Variants in RASEF observed in about 807,000 individuals in gnomAD.
RASEF encodes the protein ras and EF-hand domain-containing protein.
In RASEF, 68 loss-of-function variants were observed where a neutral mutation model predicts 90.1. That is an observed-to-expected ratio of 0.75 (90% confidence interval 0.62 to 0.92). The LOEUF (loss-of-function observed/expected upper bound fraction) is 0.92. Ranked by LOEUF, RASEF falls within the 40% of genes least tolerant of loss-of-function variation. The pLI is 0.00. For missense variants in RASEF, 949 were observed against 937.2 expected (o/e 1.01, Z -0.16); for synonymous variants, 331 against 345.2 (o/e 0.96, Z 0.46).
chr9:83,151,114 T>C, the RASEF span, among the ~76,000 whole-genome samples: 1 of 152,182 alleles, frequency 6.6e-6, no homozygotes, highest in African/African-American at 2.4e-5. Flanking sequence ...TTTTTTTTTT[T>C]CAGGGATTAG....
At chr9:83,105,931 A>G in the RASEF span, among the ~76,000 whole-genome samples, 1 of 152,282 alleles carries the variant, frequency 6.6e-6, no homozygotes, top group East Asian at 1.9e-4. Context: ...AGCTGCTGAG[A>G]TCATCATCAT....
the RASEF span, among the ~76,000 whole-genome samples, chr9:83,078,407 C>T: frequency 6.6e-6 from 1 of 152,138 alleles, no homozygotes; most frequent in African/African-American, 2.4e-5. Flanking sequence ...TGGCTCAAGC[C>T]CATAATCCCA....
the RASEF span, among the ~76,000 whole-genome samples, chr9:83,114,854 G>A: frequency 2.6e-5 from 4 of 152,082 alleles, no homozygotes; most frequent in East Asian, 1.9e-4. Flanking sequence ...ATTTCACCAC[G>A]GTCCTGTGGT....
chr9:83,034,454 T>C (rs1260884637), intron 1 of RASEF, among the ~76,000 whole-genome samples: 5 of 152,208 alleles, frequency 3.3e-5, no homozygotes, highest in Admixed American at 3.3e-4. Context: ...TCTTGAGAAA[T>C]ATTACTTACC....
At position 83,062,763 on chromosome 9, in the gene RASEF, T is replaced by C. The variant is rs1830237332; in HGVS notation, c.105A>G (p.Ala35=). The change falls in exon 1 of 17, where the codon GCA becomes GCG. Residue 35 remains alanine, a synonymous_variant. Coordinates refer to ENST00000376447, the MANE Select transcript of RASEF (RefSeq NM_152573.4). ...SGRLEREEFR[A]LCTELRVRPA... ...GCCGCACCCGCAGCTCCGTGCACAG[T>C]GCCCGGAACTCCTCGCGCTCCAGGC... The C allele has an allele frequency of 1.3e-6, 2 of 1,562,168 alleles. No homozygotes were observed. The highest frequency in any genetic ancestry group is 1.7e-6 in the Non-Finnish European group (2 of 1,163,346).
upstream of RASEF, among the ~76,000 whole-genome samples, chr9:83,063,344 A>T (rs1047209309): frequency 6.6e-6 from 1 of 152,202 alleles, no homozygotes; most frequent in African/African-American, 2.4e-5. Flanking sequence ...AGCGCTGCTC[A>T]GGTAGAGCCC....
intron 1 of RASEF, among the ~76,000 whole-genome samples, chr9:83,046,655 T>G (rs975086622): frequency 9.2e-5 from 14 of 152,142 alleles, no homozygotes; most frequent in African/African-American, 3.4e-4. Context: ...TCTAAACAAA[T>G]GTGGGTTGGC....
At chr9:83,110,165 C>T in the RASEF span, among the ~76,000 whole-genome samples, 2 of 152,182 alleles carry the variant, frequency 1.3e-5, no homozygotes, top group Non-Finnish European at 2.9e-5. Flanking sequence ...TGCAAAGCGG[C>T]CCTTTCAAAT....
rs1828579724 is a variant in RASEF, at chr9:82,980,553, TCA to T, written c.*2122_*2123del. ...TACTTCTGTATTATGGTATACTCTTTCACAGATTGTAAAACAAATATAAAGAG... is the reference window on the plus strand; with the variant it reads ...TACTTCTGTATTATGGTATACTCTTTCAGATTGTAAAACAAATATAAAGAG... On this transcript the variant is annotated 3_prime_UTR_variant, in exon 17 of 17. Transcript: ENST00000376447. 6.6e-6 allele frequency: 1 copy of T among 152,200 alleles called. No individual in the cohort carries two copies. Among genetic ancestry groups the T allele is most frequent in the African/African-American group, 2.4e-5 (1 of 41,454 alleles). The allele number at this position is 152,200 out of a possible 1,614,324, so 9.4% of individuals were successfully genotyped here.
intron 1 of RASEF, chr9:83,048,463 T>C (rs1829972881): frequency 1.0e-6 from 1 of 985,152 alleles, no homozygotes; most frequent in Non-Finnish European, 1.2e-6. Context: ...CCAAGCAACT[T>C]GGACTTTTGG....
chr9:83,189,168 G>A, the RASEF span, among the ~76,000 whole-genome samples: 1 of 152,170 alleles, frequency 6.6e-6, no homozygotes, highest in Non-Finnish European at 1.5e-5. Context: ...AATCATGGGG[G>A]CAGTTACCCC....
intron 16 of RASEF, among the ~76,000 whole-genome samples, chr9:82,987,167 G>A (rs1014193803): frequency 8.5e-5 from 13 of 152,278 alleles, no homozygotes; most frequent in African/African-American, 2.9e-4. Flanking sequence ...TTTACCTGTG[G>A]AGACTATAAC....
rs1217660908 is a variant in RASEF at position 83,055,340 on chromosome 9, G to T, written c.431+7097C>A. The T allele has an allele frequency of 3.4e-5, 14 of 411,872 alleles. 1 individual carries two copies. In the Admixed American group the frequency reaches 4.6e-4, roughly 14 times the overall value. The allele number at this position is 411,872 out of a possible 1,614,324, so 25.5% of individuals were successfully genotyped here. On this transcript the variant is annotated intron_variant, in intron 1 of 16. Transcript: ENST00000376447. ...CGTCCGTCACCCCTTTCTTTGACTC[G>T]GAAAGGGAACTCCCTGACCCCTTGC...
chr9:83,011,928 C>A (rs1829254088), intron 5 of RASEF, among the ~76,000 whole-genome samples: 1 of 152,066 alleles, frequency 6.6e-6, no homozygotes, highest in Non-Finnish European at 1.5e-5. Context: ...TATTTAGAAT[C>A]ATAAGAAAGA....
the RASEF span, among the ~76,000 whole-genome samples, chr9:83,217,156 G>C: frequency 6.6e-6 from 1 of 151,984 alleles, no homozygotes; most frequent in Admixed American, 6.5e-5. Context: ...GTTTTGGCCA[G>C]TTTCTCCCAT....
In RASEF at chr9:83,004,565, C is replaced by G; in HGVS notation, c.1135G>C (p.Gly379Arg). The change falls in exon 9 of 17, where the codon GGG (glycine) becomes CGG (arginine). Residue 379 changes from glycine (G) to arginine (R), a missense_variant. Transcript: ENST00000376447. The stretch of plus-strand genomic sequence containing the variant: ...GGACTGCTTCTAGAAATTGTATTCC[C>G]TGGTGAGATATTATTTATATGCTGT... ...RSLHINNISP[G>R]NTISRSSPKF... 1 of 1,588,156 alleles carries G rather than the reference C, an allele frequency of 6.3e-7. No homozygotes were observed. Among genetic ancestry groups the G allele is most frequent in the Non-Finnish European group, 8.6e-7 (1 of 1,156,572 alleles).
At chr9:83,153,349 T>C in the RASEF span, among the ~76,000 whole-genome samples, 3 of 152,324 alleles carry the variant, frequency 2.0e-5, no homozygotes, top group Non-Finnish European at 4.4e-5. Context: ...AAACACACTT[T>C]TTCATTTTAA....
At chr9:83,114,481 G>A in the RASEF span, among the ~76,000 whole-genome samples, 1 of 152,236 alleles carries the variant, frequency 6.6e-6, no homozygotes, top group African/African-American at 2.4e-5. Context: ...GGGAACAAGA[G>A]AGAGAACCTT....
the RASEF span, among the ~76,000 whole-genome samples, chr9:83,168,071 T>C: frequency 1.3e-5 from 2 of 152,142 alleles, no homozygotes; most frequent in African/African-American, 2.4e-5. Flanking sequence ...CTGTTTAAAG[T>C]TGAGGAACTG....
Sources: allele counts gnomAD v4.1 joint callset (sites outside exome capture counted in the v4.1 genomes callset), GRCh38; gene constraint gnomAD v4.1.1; transcripts MANE v1.5; gene names NCBI Gene and HGNC (gene_info 2026-07-23, HGNC 2026-07-21).